TMEM108: variants seen among roughly 807,000 people sequenced by gnomAD.
The protein encoded by TMEM108 is transmembrane protein 108.
A neutral mutation model predicts 35.1 loss-of-function variants in TMEM108; 12 were observed. The ratio of observed to expected loss-of-function variants is 0.34; its 90% CI spans 0.22 to 0.55. The LOEUF (loss-of-function observed/expected upper bound fraction) is 0.55. Among genes scored for constraint, TMEM108 ranks in the 20% least tolerant of loss-of-function variants. The pLI is 0.89. For synonymous variants in TMEM108, 287 were observed against 308.6 expected (o/e 0.93, Z 0.73); for missense variants, 680 against 753.3 (o/e 0.90, Z 1.14).
intron 3 of TMEM108, among the ~76,000 whole-genome samples, chr3:133,267,849 G>C (rs570455848): frequency 6.6e-6 from 1 of 152,326 alleles, no homozygotes; most frequent in East Asian, 1.9e-4. Context: ...TCTTCTCCCA[G>C]AGTGAATGAT....
intron 3 of TMEM108, among the ~76,000 whole-genome samples, chr3:133,356,210 G>A (rs756877745): frequency 4.0e-5 from 6 of 151,508 alleles, no homozygotes; most frequent in Non-Finnish European, 8.8e-5. Context: ...TCAAGAACTC[G>A]ATCACTTTTA....
At chr3:133,388,644 T>G in intron 4 of TMEM108, 2 of 985,444 alleles carry the variant, frequency 2.0e-6, no homozygotes, top group African/African-American at 1.7e-5. Flanking sequence ...AGAAGTCTTT[T>G]TGATCAAAGC....
chr3:133,107,462 G>GTA (rs1224180943), intron 2 of TMEM108, among the ~76,000 whole-genome samples: 1 of 109,542 alleles, frequency 9.1e-6, no homozygotes, highest in Non-Finnish European at 2.2e-5. Context: ...TGTGGTGTGT[G>GTA]TGTGTGTGTG....
intron 2 of TMEM108, among the ~76,000 whole-genome samples, chr3:133,079,647 C>T (rs1943785696): frequency 6.6e-6 from 1 of 152,154 alleles, no homozygotes; most frequent in Non-Finnish European, 1.5e-5. Flanking sequence ...CAGGTACCAT[C>T]ACATTAGGAT....
rs1468002491 is a variant in TMEM108 at position 133,084,799 on chromosome 3, G to C, written c.-47+38779G>C. The stretch of plus-strand genomic sequence containing the variant: ...CCTTCAAGGGCACACAGCACAGGGA[G>C]ATAGAAGTTCAAATATTCGTGAGAT... On this transcript the variant is annotated intron_variant, in intron 2 of 5. Transcript: ENST00000321871. Among the ~76,000 whole-genome samples, 6 of 152,200 alleles carry C rather than the reference G, an allele frequency of 3.9e-5. No homozygotes were observed. In the East Asian group the frequency reaches 1.2e-3, roughly 29 times the overall value.
intron 3 of TMEM108, among the ~76,000 whole-genome samples, chr3:133,367,524 C>A (rs575187294): frequency 1.0e-3 from 157 of 152,388 alleles, no homozygotes; most frequent in African/African-American, 3.7e-3. Flanking sequence ...GGCAGTCTCA[C>A]AAGGATGCAC....
Position 133,220,378 on chromosome 3 carries a change from G to T in TMEM108, c.-46-8888G>T, listed in dbSNP as rs577359542. 2.6e-5 allele frequency among the ~76,000 whole-genome samples: 4 copies of T among 152,098 alleles called. No homozygotes were observed. In the South Asian group the frequency reaches 8.3e-4, roughly 32 times the overall value. ...TGTAGTCTCAAACTCCTGGGCTCAA[G>T]TGATCCTCCTGCCTCAGCCTCCTGA... On this transcript the variant is annotated intron_variant, in intron 2 of 5. Coordinates refer to ENST00000321871, the MANE Select transcript of TMEM108 (RefSeq NM_023943.4).
chr3:133,131,710 T>C (rs1944493121), intron 2 of TMEM108, among the ~76,000 whole-genome samples: 1 of 151,856 alleles, frequency 6.6e-6, no homozygotes, highest in South Asian at 2.1e-4. Flanking sequence ...GGAAGCCTTG[T>C]TGAAAGCCTA....
intron 2 of TMEM108, among the ~76,000 whole-genome samples, chr3:133,144,543 G>T (rs1375590639): frequency 2.0e-5 from 3 of 152,182 alleles, no homozygotes; most frequent in Non-Finnish European, 4.4e-5. Context: ...TTGAGGAATT[G>T]TCATACTGTC....
rs563010764 is a variant in TMEM108 at position 133,275,579 on chromosome 3, C to G, written c.40+46228C>G. ...GGCTATTAATTTTTTTGTGTATGTCCCAATCCGTTACTTGCAACTCTTGAG... is the reference window on the plus strand; with the variant it reads ...GGCTATTAATTTTTTTGTGTATGTCGCAATCCGTTACTTGCAACTCTTGAG... On this transcript the variant is annotated intron_variant, in intron 3 of 5. Coordinates refer to ENST00000321871, the MANE Select transcript of TMEM108 (RefSeq NM_023943.4). 3.1e-3 allele frequency among the ~76,000 whole-genome samples: 477 copies of G among 152,132 alleles called. 4 individuals carry two copies. The highest frequency in any genetic ancestry group is 0.011 in the African/African-American group (457 of 41,512).
chr3:133,360,741 C>T (rs2072321920), intron 3 of TMEM108, among the ~76,000 whole-genome samples: 1 of 152,198 alleles, frequency 6.6e-6, no homozygotes, highest in African/African-American at 2.4e-5. Flanking sequence ...GCCCCAAAGT[C>T]ATTTTGGGTG....
intron 2 of TMEM108, among the ~76,000 whole-genome samples, chr3:133,108,803 C>G (rs531391447): frequency 1.0e-4 from 14 of 140,052 alleles, no homozygotes; most frequent in Admixed American, 2.3e-4. Flanking sequence ...CACATGGACA[C>G]AGGAAGGGGA....
intron 2 of TMEM108, among the ~76,000 whole-genome samples, chr3:133,128,338 C>G (rs1293596507): frequency 2.0e-5 from 3 of 152,110 alleles, no homozygotes; most frequent in Admixed American, 6.6e-5. Context: ...CAAGACAATT[C>G]CAAGTCCTCC....
chr3:133,063,667 G>T (rs1164465699), intron 2 of TMEM108, among the ~76,000 whole-genome samples: 1 of 152,066 alleles, frequency 6.6e-6, no homozygotes, highest in Non-Finnish European at 1.5e-5. Flanking sequence ...TTCTTAACAG[G>T]GATAAAAGAT....
intron 2 of TMEM108, among the ~76,000 whole-genome samples, chr3:133,048,181 T>C (rs1016308727): frequency 6.6e-6 from 1 of 152,192 alleles, no homozygotes; most frequent in Non-Finnish European, 1.5e-5. Flanking sequence ...GGTGATCTGC[T>C]AATGTTAAAG....
Position 133,222,278 on chromosome 3 carries a change from G to A in TMEM108, c.-46-6988G>A, listed in dbSNP as rs557999006. The stretch of plus-strand genomic sequence containing the variant: ...CCTATAAGGTTTCTGCTGAGAAACT[G>A]CAGCCTTTTTGGAACTCCATTTTAT... On this transcript the variant is annotated intron_variant, in intron 2 of 5. Coordinates refer to ENST00000321871, the MANE Select transcript of TMEM108 (RefSeq NM_023943.4). 4.6e-5 allele frequency among the ~76,000 whole-genome samples: 7 copies of A among 152,094 alleles called. No individual in the cohort carries two copies. In the East Asian group the frequency reaches 1.4e-3, roughly 29 times the overall value.
At chr3:133,181,034 A>AAAAAAAC in intron 2 of TMEM108, among the ~76,000 whole-genome samples, 4 of 136,078 alleles carry the variant, frequency 2.9e-5, no homozygotes, top group Non-Finnish European at 4.8e-5. Flanking sequence ...AAAAAAAAAA[A>AAAAAAAC]AAAACAGCAC....
chr3:133,169,837 T>C (rs886868854), intron 2 of TMEM108, among the ~76,000 whole-genome samples: 1 of 152,082 alleles, frequency 6.6e-6, no homozygotes, highest in Non-Finnish European at 1.5e-5. Flanking sequence ...GCTGTGTAGA[T>C]TAGCCCCAAT....
chr3:133,207,132 C>A (rs1015668335), intron 2 of TMEM108, among the ~76,000 whole-genome samples: 4 of 152,184 alleles, frequency 2.6e-5, no homozygotes, highest in Non-Finnish European at 4.4e-5. Flanking sequence ...ACTCAAGCCT[C>A]AGGGCCCTGG....
Sources: gnomAD v4.1 joint callset for allele counts (sites outside exome capture counted in the v4.1 genomes callset) on GRCh38, gnomAD v4.1.1 for gene constraint, MANE v1.5 for transcripts, NCBI Gene and HGNC (gene_info 2026-07-23, HGNC 2026-07-21) for gene names.